LIMCH1: variants seen among roughly 807,000 people sequenced by gnomAD.
The protein encoded by LIMCH1 is LIM and calponin homology domains-containing protein 1.
In LIMCH1, 113 loss-of-function variants were observed where a neutral mutation model predicts 176.5. The observed-to-expected ratio is 0.64, with a 90% CI of 0.55 to 0.75. LIMCH1 has a LOEUF of 0.75. Among genes scored for constraint, LIMCH1 ranks in the 30% least tolerant of loss-of-function variants. LIMCH1 has a pLI of 0.00. For synonymous variants in LIMCH1, 619 were observed against 645.9 expected, an observed-to-expected ratio of 0.96 and a Z score of 0.63; for missense variants, 1,674 against 1,814.9, an observed-to-expected ratio of 0.92 and a Z score of 1.41.
chr4:41,639,819 T>C (rs1160821531), intron 14 of LIMCH1, among the ~76,000 whole-genome samples: 1 of 152,172 alleles, frequency 6.6e-6, no homozygotes, highest in African/African-American at 2.4e-5. Flanking sequence ...CTGATCCTGA[T>C]ATTGAGGAGC....
intron 2 of LIMCH1, among the ~76,000 whole-genome samples, chr4:41,599,469 CT>C (rs907651570): frequency 6.6e-6 from 1 of 152,196 alleles, no homozygotes; most frequent in Non-Finnish European, 1.5e-5. Flanking sequence ...GTGTAACTGT[CT>C]TCTCATATGT....
intron 2 of LIMCH1, among the ~76,000 whole-genome samples, chr4:41,499,047 T>A (rs188576209): frequency 4.1e-3 from 625 of 152,368 alleles, no homozygotes; most frequent in African/African-American, 8.6e-3. Context: ...GTGGAATTAA[T>A]TTTAGATGTA....
chr4:41,644,698 C>G (rs1366148637), intron 15 of LIMCH1, 72 bp downstream of exon 15: 5 of 1,538,168 alleles, frequency 3.3e-6, no homozygotes, highest in Non-Finnish European at 3.5e-6. Flanking sequence ...GGTGGGTAGA[C>G]GTGGACTTGA....
chr4:41,530,819 ATTTTTTTTTTTT>A (rs71650934), intron 3 of LIMCH1, among the ~76,000 whole-genome samples: 1 of 84,734 alleles, frequency 1.2e-5, no homozygotes, highest in Non-Finnish European at 2.1e-5. Flanking sequence ...AAAAAAAAAA[ATTTTTTTTTTTT>A]TTTTTTTTTG....
At chr4:41,613,736 G>A in intron 5 of LIMCH1, 75 bp downstream of exon 5, 2 of 1,285,628 alleles carry the variant, frequency 1.6e-6, no homozygotes, top group Non-Finnish European at 2.2e-6. Flanking sequence ...CTGGCAGAGG[G>A]ATGGGCACTG....
intron 31 of LIMCH1, 147 bp from the exon 32 acceptor site, chr4:41,697,013 C>A: frequency 6.6e-6 from 5 of 761,156 alleles, no homozygotes; most frequent in South Asian, 5.0e-5. Flanking sequence ...TGGGGCCACA[C>A]TTCAAGTAGC....
intron 15 of LIMCH1, 91 bp from the exon 16 acceptor site, chr4:41,646,032 C>G: frequency 7.6e-7 from 1 of 1,324,236 alleles, no homozygotes; most frequent in East Asian, 2.3e-5. Context: ...AGTCAGTTCT[C>G]TAAAGAGTAG....
intron 1 of LIMCH1, among the ~76,000 whole-genome samples, chr4:41,485,131 GT>G (rs553968139): frequency 3.3e-5 from 5 of 151,952 alleles, no homozygotes; most frequent in South Asian, 4.2e-4. Flanking sequence ...TTATTAGACT[GT>G]TTTTTTTAAA....
At chr4:41,627,200 C>T (rs186739772) in intron 8 of LIMCH1, among the ~76,000 whole-genome samples, 190 bp downstream of exon 8, 2 of 152,230 alleles carry the variant, frequency 1.3e-5, no homozygotes, top group East Asian at 3.9e-4. Flanking sequence ...ATTCAATCTC[C>T]CTTAAATGCA....
intron 1 of LIMCH1, among the ~76,000 whole-genome samples, chr4:41,419,945 TG>T (rs1394585662): frequency 6.6e-6 from 1 of 152,012 alleles, no homozygotes; most frequent in African/African-American, 2.4e-5. Context: ...GACATTTTGG[TG>T]CAGATAAACA....
At position 41,633,649 on chromosome 4, in the gene LIMCH1, G is replaced by A. The variant is rs745578502; in HGVS notation, c.1931G>A (p.Arg644Gln). 12 of 1,536,044 alleles carry A rather than the reference G, an allele frequency of 7.8e-6. No homozygotes were observed. The South Asian group carries it at 9.5e-5, about 12-fold the overall frequency. ...AGTGGCAGTGGACTGAAAGGCCAGC[G>A]AAAGTTGGATGATTCACGAAAAGAT... ...AWSGSGLKGQ[R>Q]KLDDSRKDDM... Residue 644 changes from arginine to glutamine, a missense_variant, in exon 13 of 32, where the codon CGA becomes CAA. This residue lies in a region of LIMCH1 where 1,015 missense variants were observed against 1,102.5 expected (regional missense o/e 0.92). Transcript: ENST00000503057.
chr4:41,405,376 C>T (rs888940416), intron 1 of LIMCH1, among the ~76,000 whole-genome samples: 5 of 152,090 alleles, frequency 3.3e-5, no homozygotes, highest in African/African-American at 9.7e-5. Flanking sequence ...AAAACCTCTG[C>T]GTAATGAGTA....
At chr4:41,399,962 G>T (rs954408194) in intron 1 of LIMCH1, among the ~76,000 whole-genome samples, 7 of 148,436 alleles carry the variant, frequency 4.7e-5, no homozygotes, top group Middle Eastern at 3.6e-3. Context: ...GATTACAGGC[G>T]TGAGCCACCG....
chr4:41,526,141 C>A (rs1280899312), intron 3 of LIMCH1, among the ~76,000 whole-genome samples: 2 of 152,070 alleles, frequency 1.3e-5, no homozygotes, highest in Non-Finnish European at 2.9e-5. Flanking sequence ...AGCATTTGGG[C>A]AACTTGATAC....
At chr4:41,592,545 T>C (rs1162142647) in intron 1 of LIMCH1, among the ~76,000 whole-genome samples, 1 of 152,174 alleles carries the variant, frequency 6.6e-6, no homozygotes, top group Admixed American at 6.5e-5. Context: ...ATGGATAAAC[T>C]GTTCTTCATC....
chr4:41,460,458 C>CTATATATATATA lies in LIMCH1; in HGVS notation c.97-34068_97-34057dup, dbSNP rs57517524. ...AAATTTGTTCCACTATAGTAATCATCTATATATATATATATATATATCTTA... is the reference window on the plus strand; with the variant it reads ...AAATTTGTTCCACTATAGTAATCATCTATATATATATATATATATATATATATATATATCTTA... On this transcript the variant is annotated intron_variant, in intron 1 of 26. Transcript: ENST00000313860. 8.9e-4 allele frequency among the ~76,000 whole-genome samples: 98 copies of CTATATATATATA among 110,540 alleles called. 3 individuals carry two copies. The highest frequency in any genetic ancestry group is 5.2e-3 in the South Asian group (14 of 2,680). 72.5% of individuals were successfully genotyped at this position (110,540 alleles called of 152,430 possible).
chr4:41,513,871 T>TGGTGCATGCCTGTAATCCCAGCTACTTG (rs1554079967), intron 2 of LIMCH1, among the ~76,000 whole-genome samples: 3,157 of 151,670 alleles, frequency 0.021, 48 homozygotes, highest in South Asian at 0.043. Flanking sequence ...CCAGGTGTGG[T>TGGTGCATGCCTGTAATCCCAGCTACTTG]GGTGCATGCC....
intron 3 of LIMCH1, among the ~76,000 whole-genome samples, chr4:41,531,589 TG>T: frequency 6.6e-6 from 1 of 151,734 alleles, no homozygotes; most frequent in Admixed American, 6.6e-5. Flanking sequence ...AGCCTCACAC[TG>T]TGCTAGTTCT....
intron 26 of LIMCH1, among the ~76,000 whole-genome samples, chr4:41,683,871 C>T (rs75065967): frequency 0.11 from 16,323 of 152,240 alleles, 1,194 homozygotes; most frequent in Middle Eastern, 0.25. Context: ...TGTAACTTTA[C>T]AGAAAACCTT....
Sources: allele counts gnomAD v4.1 joint callset (sites outside exome capture counted in the v4.1 genomes callset), GRCh38; gene constraint gnomAD v4.1.1; regional missense constraint gnomAD v4.1.1; transcripts MANE v1.5; gene names NCBI Gene and HGNC (gene_info 2026-07-23, HGNC 2026-07-21).